The following SLC28A3 variants were observed in gnomAD, a reference collection of about 807,000 sequenced individuals.
SLC28A3 encodes the protein solute carrier family 28 member 3, also known as concentrative Na(+)-nucleoside cotransporter 3.
In SLC28A3, 68 loss-of-function variants were observed where a neutral mutation model predicts 84.2. The ratio of observed to expected loss-of-function variants is 0.81; its 90% CI spans 0.66 to 0.99. The LOEUF (loss-of-function observed/expected upper bound fraction) is 0.99. Ranked by LOEUF, SLC28A3 falls within the 50% of genes least tolerant of loss-of-function variation. The probability of loss-of-function intolerance (pLI) is 0.00; values close to 1 mark genes in which losing one functional copy is unlikely to be tolerated. For missense variants in SLC28A3, 712 were observed against 841.5 expected (o/e 0.85, Z 1.90); for synonymous variants, 267 against 303.6 (o/e 0.88, Z 1.25).
intron 3 of SLC28A3, among the ~76,000 whole-genome samples, chr9:84,309,067 G>A (rs1825893401): frequency 6.6e-6 from 1 of 152,132 alleles, no homozygotes; most frequent in South Asian, 2.1e-4. Flanking sequence ...GACTGTCCTG[G>A]GTGAATTTAA....
At chr9:84,330,835 C>G (rs1209736718) in intron 1 of SLC28A3, among the ~76,000 whole-genome samples, 3 of 152,000 alleles carry the variant, frequency 2.0e-5, no homozygotes, top group African/African-American at 7.3e-5. Context: ...AAGAGTTATA[C>G]CTACTTTATT....
rs771244347 is a variant in SLC28A3 at position 84,279,355 on chromosome 9, T to C, written c.1859A>G (p.Asn620Ser). ...GILSSTPVDI[N>S]CHHVLENAFN... ...GGCATTCTCTAAAACGTGATGGCAG[T>C]TGATGTCCACAGGAGTGCTGGAGAG... is the stretch of plus-strand genomic sequence containing the variant. Residue 620 changes from asparagine to serine, a missense_variant, in exon 17 of 18, where the codon AAC (asparagine) becomes AGC (serine). Asn to Ser is a conservative substitution (Grantham distance 46, BLOSUM62 1). Coordinates refer to ENST00000376238, the MANE Select transcript of SLC28A3 (RefSeq NM_001199633.2). The C allele has an allele frequency of 6.2e-6, 10 of 1,612,756 alleles. No individual in the cohort carries two copies. Among genetic ancestry groups the C allele is most frequent in the African/African-American group, 2.7e-5 (2 of 74,838 alleles).
the SLC28A3 span, among the ~76,000 whole-genome samples, chr9:84,362,059 G>C: frequency 6.6e-6 from 1 of 152,262 alleles, no homozygotes; most frequent in Non-Finnish European, 1.5e-5. Context: ...ACTTTTCCCA[G>C]GACAACCCGA....
At chr9:84,323,614 G>A (rs1362035939) in intron 1 of SLC28A3, among the ~76,000 whole-genome samples, 3 of 151,808 alleles carry the variant, frequency 2.0e-5, no homozygotes, top group African/African-American at 4.8e-5. Flanking sequence ...TAGTAAAGAC[G>A]GGGTTTCATC....
At chr9:84,319,042 G>C (rs1042512347) in intron 1 of SLC28A3, among the ~76,000 whole-genome samples, 14 of 152,054 alleles carry the variant, frequency 9.2e-5, no homozygotes, top group African/African-American at 2.2e-4. Context: ...TATGATTCTA[G>C]AACAAATTAT....
the SLC28A3 span, among the ~76,000 whole-genome samples, chr9:84,356,553 C>T: frequency 0.015 from 2,239 of 152,130 alleles, 50 homozygotes; most frequent in African/African-American, 0.051. Context: ...TAAATGAGGC[C>T]GGGCAAGGTG....
At chr9:84,308,473 G>T (rs375465790) in intron 3 of SLC28A3, among the ~76,000 whole-genome samples, 1 of 151,874 alleles carries the variant, frequency 6.6e-6, no homozygotes, top group Non-Finnish European at 1.5e-5. Flanking sequence ...TTGAACCCGG[G>T]AGATGGAGGT....
At chr9:84,292,585 A>AT in intron 10 of SLC28A3, 83 bp downstream of exon 10, 1 of 1,117,914 alleles carries the variant, frequency 8.9e-7, no homozygotes, top group Non-Finnish European at 1.3e-6. Context: ...CTAAAAGAAC[A>AT]TTGTGTTATT....
chr9:84,283,419 G>A (rs1273125385), intron 14 of SLC28A3, among the ~76,000 whole-genome samples: 2 of 152,222 alleles, frequency 1.3e-5, no homozygotes, highest in African/African-American at 2.4e-5. Flanking sequence ...GAATTACGGT[G>A]TGCTATACAA....
chr9:84,319,122 C>T (rs1237287537), intron 1 of SLC28A3, among the ~76,000 whole-genome samples: 4 of 152,026 alleles, frequency 2.6e-5, no homozygotes, highest in Non-Finnish European at 5.9e-5. Flanking sequence ...GAAAAGAAAA[C>T]GTAGGAGGTA....
At chr9:84,355,324 G>A in the SLC28A3 span, among the ~76,000 whole-genome samples, 1 of 152,128 alleles carries the variant, frequency 6.6e-6, no homozygotes, top group Admixed American at 6.5e-5. Flanking sequence ...TGTAGTCCCA[G>A]CTAACTGGGA....
the SLC28A3 span, among the ~76,000 whole-genome samples, chr9:84,359,490 C>T: frequency 6.6e-6 from 1 of 152,160 alleles, no homozygotes; most frequent in South Asian, 2.1e-4. Context: ...TCTGTAAGAA[C>T]TGACACAAAA....
Position 84,290,162 on chromosome 9 carries a change from A to ATT in SLC28A3, c.1140_1141insAA (p.Ser381AsnfsTer11), listed in dbSNP as rs1260844213. 1 of 1,613,682 alleles carries ATT rather than the reference A, an allele frequency of 6.2e-7. No individual in the cohort carries two copies. The highest frequency in any genetic ancestry group is 1.7e-5 in the Admixed American group (1 of 59,992). On this transcript the variant is annotated frameshift_variant, in exon 11 of 18. Transcript: ENST00000376238. LOFTEE classifies it high-confidence loss of function. ...TTCCAAAACATTCTTACCCCAAAAG[A>ATT]AATGTATGCACCTAGCACGCTTCCA...
chr9:84,327,361 GAA>G (rs11404370), intron 1 of SLC28A3, among the ~76,000 whole-genome samples: 153 of 127,650 alleles, frequency 1.2e-3, no homozygotes, highest in Middle Eastern at 3.9e-3. Flanking sequence ...TCAGAACACC[GAA>G]AAAAAAAAAA....
the SLC28A3 span, among the ~76,000 whole-genome samples, chr9:84,353,064 A>G: frequency 1.1e-4 from 16 of 152,246 alleles, no homozygotes; most frequent in African/African-American, 3.9e-4. Context: ...TTATCAGGTC[A>G]AGCCATTGGG....
chr9:84,331,166 G>A (rs963326430), intron 1 of SLC28A3, among the ~76,000 whole-genome samples: 1 of 152,170 alleles, frequency 6.6e-6, no homozygotes, highest in Non-Finnish European at 1.5e-5. Flanking sequence ...ATGCAAACTT[G>A]AGGAAAGAGT....
chr9:84,313,688 G>A (rs1323828654), intron 1 of SLC28A3, among the ~76,000 whole-genome samples: 1 of 151,844 alleles, frequency 6.6e-6, no homozygotes, highest in Non-Finnish European at 1.5e-5. Flanking sequence ...GCCGAAGTGG[G>A]AGGGGAGACC....
chr9:84,280,166 T>A, intron 15 of SLC28A3, 93 bp from the exon 16 acceptor site: 1 of 1,135,240 alleles, frequency 8.8e-7, no homozygotes, highest in Non-Finnish European at 1.2e-6. Flanking sequence ...TGGGCTCAGG[T>A]CAGCTGACTT....
At chr9:84,303,306 T>TCCCTCTCC (rs1825690701) in intron 4 of SLC28A3, among the ~76,000 whole-genome samples, 1 of 152,156 alleles carries the variant, frequency 6.6e-6, no homozygotes, top group African/African-American at 2.4e-5. Flanking sequence ...GTGACCAGAC[T>TCCCTCTCC]CCCTCTCCCT....
Sources: gnomAD v4.1 joint callset for allele counts (sites outside exome capture counted in the v4.1 genomes callset) on GRCh38, gnomAD v4.1.1 for gene constraint, MANE v1.5 for transcripts, NCBI Gene and HGNC (gene_info 2026-07-23, HGNC 2026-07-21) for gene names.